Variants in CFAP20DC observed in about 807,000 individuals in gnomAD.
CFAP20DC encodes the protein protein CFAP20DC.
CFAP20DC carries 84 observed loss-of-function variants against 101.7 expected under a neutral mutation model. The observed-to-expected ratio is 0.83, with a 90% CI of 0.69 to 0.99. The LOEUF is 0.99. Ranked by LOEUF, CFAP20DC falls within the 50% of genes least tolerant of loss-of-function variation. The probability of loss-of-function intolerance (pLI) is 0.00; values close to 1 mark genes in which losing one functional copy is unlikely to be tolerated. For synonymous variants in CFAP20DC, 359 were observed against 351.2 expected (o/e 1.02, Z -0.25); for missense variants, 1,007 against 970.3 (o/e 1.04, Z -0.50).
chr3:58,819,200 A>G (rs1364203482), intron 14 of CFAP20DC, among the ~76,000 whole-genome samples: 1 of 150,864 alleles, frequency 6.6e-6, no homozygotes, highest in Non-Finnish European at 1.5e-5. Flanking sequence ...GAAAGATCCA[A>G]AATTGACACC....
chr3:58,762,902 A>T (rs561887383), intron 15 of CFAP20DC, among the ~76,000 whole-genome samples: 1 of 152,182 alleles, frequency 6.6e-6, no homozygotes, highest in Admixed American at 6.5e-5. Flanking sequence ...TCTGCGGAGA[A>T]ATCAGCTGTT....
intron 14 of CFAP20DC, among the ~76,000 whole-genome samples, chr3:58,815,060 A>T (rs1172132993): frequency 2.0e-5 from 3 of 151,642 alleles, no homozygotes; most frequent in Non-Finnish European, 2.9e-5. Context: ...AGCAATCCTA[A>T]GCCAAAAGAA....
intron 12 of CFAP20DC, among the ~76,000 whole-genome samples, chr3:58,854,467 C>A (rs1205025103): frequency 6.6e-6 from 1 of 151,726 alleles, no homozygotes; most frequent in African/African-American, 2.4e-5. Flanking sequence ...ACTTTCTTCA[C>A]AGAATTGGAA....
At chr3:58,941,915 G>T (rs1377787482) in intron 4 of CFAP20DC, among the ~76,000 whole-genome samples, 1 of 152,144 alleles carries the variant, frequency 6.6e-6, no homozygotes, top group Non-Finnish European at 1.5e-5. Context: ...ATCTTAAATA[G>T]AAATCATTAC....
chr3:58,917,910 C>T (rs1559820081), intron 5 of CFAP20DC, among the ~76,000 whole-genome samples: 1 of 152,076 alleles, frequency 6.6e-6, no homozygotes, highest in African/African-American at 2.4e-5. Context: ...CTTGGCTGAA[C>T]CAAGAAAGGG....
In CFAP20DC at chr3:58,863,773, C is replaced by G. The variant is rs752788408; in HGVS notation, c.1378G>C (p.Glu460Gln). 6.2e-7 allele frequency: 1 copy of G among 1,614,206 alleles called. No individual in the cohort carries two copies. The highest frequency in any genetic ancestry group is 2.2e-5 in the East Asian group (1 of 44,868). The change falls in exon 12 of 17, where the codon GAG (glutamate) becomes CAG (glutamine). Residue 460 changes from glutamate (E) to glutamine (Q), a missense_variant. Coordinates refer to ENST00000482387, the MANE Select transcript of CFAP20DC (RefSeq NM_001394063.1). The surrounding 1 kb of genome is among the most constrained non-coding windows in gnomAD (Gnocchi z 5.9). ...PSHLWLEASK[E>Q]SEHDQQAEES... Reference sequence around the variant, plus strand: ...TCTGCCTGCTGGTCGTGTTCACTCTCTTTGCTGGCTTCCAGCCACAGGTGT... The same window carrying G: ...TCTGCCTGCTGGTCGTGTTCACTCTGTTTGCTGGCTTCCAGCCACAGGTGT...
intron 5 of CFAP20DC, among the ~76,000 whole-genome samples, chr3:58,922,351 T>C (rs762933051): frequency 6.6e-6 from 1 of 152,216 alleles, no homozygotes; most frequent in East Asian, 1.9e-4. Context: ...TGACTAGTTA[T>C]TGCTACGGTT....
chr3:58,778,219 G>A (rs9879668), intron 15 of CFAP20DC, among the ~76,000 whole-genome samples: 2,322 of 152,200 alleles, frequency 0.015, 56 homozygotes, highest in African/African-American at 0.054. Context: ...GGATCACCTC[G>A]TCCTTGTCTA....
At chr3:58,825,538 A>AACACAC (rs4020376) in intron 14 of CFAP20DC, among the ~76,000 whole-genome samples, 51 of 149,606 alleles carry the variant, frequency 3.4e-4, no homozygotes, top group Admixed American at 6.7e-4. Context: ...AAAAAAAGAA[A>AACACAC]ACACACACAC....
At position 58,851,586 on chromosome 3, in the gene CFAP20DC, A is replaced by G. The variant is rs183671750; in HGVS notation, c.1594-2177T>C. Among the ~76,000 whole-genome samples, 38 of 152,318 alleles carry G rather than the reference A, an allele frequency of 2.5e-4. No homozygotes were observed. In the East Asian group the frequency reaches 6.9e-3, roughly 28 times the overall value. On this transcript the variant is annotated intron_variant, in intron 12 of 16. Coordinates refer to ENST00000482387, the MANE Select transcript of CFAP20DC (RefSeq NM_001394063.1). ...TCAAAAAGCTCCAGGAAATTAAAAG[A>G]TAAAAACAAAAAATATAAACTTTAT...
rs757127996 is a variant in CFAP20DC at position 58,806,471 on chromosome 3, A to C, written c.2176-15T>G. 3.4e-5 allele frequency: 54 copies of C among 1,597,812 alleles called. No homozygotes were observed. The highest frequency in any genetic ancestry group is 1.9e-4 in the South Asian group (17 of 90,760). On this transcript the variant is annotated splice_polypyrimidine_tract_variant and intron_variant, in intron 14 of 16. Coordinates refer to ENST00000482387, the MANE Select transcript of CFAP20DC (RefSeq NM_001394063.1). ...TGGTTGACAGGCTGGAAAAGACAAA[A>C]CATTTGTGAATGTTTAATCAGCACA...
chr3:58,828,458 G>A (rs1364047415), intron 14 of CFAP20DC, among the ~76,000 whole-genome samples: 2 of 152,100 alleles, frequency 1.3e-5, no homozygotes, highest in Non-Finnish European at 1.5e-5. Flanking sequence ...AAAATAAAGT[G>A]CATAAACCAT....
chr3:58,983,405 A>C (rs2092647300), intron 4 of CFAP20DC, among the ~76,000 whole-genome samples: 1 of 152,272 alleles, frequency 6.6e-6, no homozygotes, highest in Non-Finnish European at 1.5e-5. Context: ...ATTGTTTCCA[A>C]TTTAACAAAC....
At chr3:59,041,787 A>G (rs1323983791) in intron 3 of CFAP20DC, among the ~76,000 whole-genome samples, 1 of 152,092 alleles carries the variant, frequency 6.6e-6, no homozygotes, top group Non-Finnish European at 1.5e-5. Flanking sequence ...ATATCCCTTG[A>G]GCAAATTAGA....
chr3:58,831,028 G>C (rs1418176862), intron 14 of CFAP20DC, among the ~76,000 whole-genome samples: 1 of 152,204 alleles, frequency 6.6e-6, no homozygotes, highest in African/African-American at 2.4e-5. Context: ...CTCCACCACT[G>C]ACCAGGTGTG....
intron 4 of CFAP20DC, among the ~76,000 whole-genome samples, chr3:59,032,744 T>TG (rs1408545956): frequency 2.0e-5 from 3 of 152,102 alleles, no homozygotes; most frequent in Non-Finnish European, 4.4e-5. Context: ...ATGGAGCACC[T>TG]GGGGGAAGGG....
chr3:58,810,562 T>C (rs2074529915), intron 14 of CFAP20DC, among the ~76,000 whole-genome samples: 1 of 151,704 alleles, frequency 6.6e-6, no homozygotes, highest in Admixed American at 6.6e-5. Flanking sequence ...TTCAAAATAA[T>C]AAGAGCTATC....
At chr3:58,768,152 C>T (rs2070493621) in intron 15 of CFAP20DC, among the ~76,000 whole-genome samples, 1 of 152,060 alleles carries the variant, frequency 6.6e-6, no homozygotes, top group African/African-American at 2.4e-5. Context: ...AGGTGGACAC[C>T]CAACCTAATA....
rs1479487443 is a variant in CFAP20DC at position 58,799,721 on chromosome 3, CTGTGTGTGTGTCTGTGTG to C, written c.2237+6656_2237+6673del. Among the ~76,000 whole-genome samples, 3 of 134,556 alleles carry C rather than the reference CTGTGTGTGTGTCTGTGTG, an allele frequency of 2.2e-5. No homozygotes were observed. The highest frequency in any genetic ancestry group is 9.1e-5 in the African/African-American group (3 of 32,998). 88.3% of individuals were successfully genotyped at this position (134,556 alleles called of 152,430 possible). A position where few individuals can be genotyped will look rare whatever the true frequency, so the allele number is the denominator to read the frequency against. ...TCGAGAAGGAGCAGTGTGTGTGTGTCTGTGTGTGTGTCTGTGTGTGTGTGTGTGTGTGTGTGTGTGTGT... is the reference window on the plus strand; with the variant it reads ...TCGAGAAGGAGCAGTGTGTGTGTGTCTGTGTGTGTGTGTGTGTGTGTGTGT... On this transcript the variant is annotated intron_variant, in intron 15 of 16. Transcript: ENST00000482387. The surrounding 1 kb of genome is among the most constrained non-coding windows in gnomAD (Gnocchi z 4.9).
Sources: gnomAD v4.1 joint callset for allele counts (sites outside exome capture counted in the v4.1 genomes callset) on GRCh38, gnomAD v4.1.1 for gene constraint, Gnocchi (gnomAD v3.1) non-coding constraint, MANE v1.5 for transcripts, NCBI Gene and HGNC (gene_info 2026-07-23, HGNC 2026-07-21) for gene names.